The following ITGAV variants were observed in gnomAD, a reference collection of about 807,000 sequenced individuals.
The protein encoded by ITGAV is integrin subunit alpha V, also known as integrin alpha-V.
In ITGAV, 76 loss-of-function variants were observed where a neutral mutation model predicts 143.8. That is an observed-to-expected ratio of 0.53 (90% CI 0.44 to 0.64). The LOEUF is 0.64. Among genes scored for constraint, ITGAV ranks in the 30% least tolerant of loss-of-function variants. The probability of loss-of-function intolerance (pLI) is 0.00; values close to 1 mark genes in which losing one functional copy is unlikely to be tolerated. For missense variants in ITGAV, 1,193 were observed against 1,274.7 expected (o/e 0.94, Z 0.98); for synonymous variants, 453 against 446.7 (o/e 1.01, Z -0.18).
Position 186,638,287 on chromosome 2 carries a change from A to G in ITGAV, c.813A>G (p.Ser271=), listed in dbSNP as rs201225541. Residue 271 remains serine, a synonymous_variant, in exon 9 of 30, where the codon TCA becomes TCG. Transcript: ENST00000261023. ...FNGDGIDDFV[S]GVPRAARTLG... ...GTTTGTTTGTTTCAGACTTTGTTTC[A>G]GGAGTTCCAAGAGCAGCAAGGACTT... 1 of 1,613,774 alleles carries G rather than the reference A, an allele frequency of 6.2e-7. No individual in the cohort carries two copies. Among genetic ancestry groups the G allele is most frequent in the Non-Finnish European group, 8.5e-7 (1 of 1,179,848 alleles).
At chr2:186,601,803 G>A (rs944759712) in intron 1 of ITGAV, among the ~76,000 whole-genome samples, 2 of 152,096 alleles carry the variant, frequency 1.3e-5, no homozygotes, top group South Asian at 4.1e-4. Context: ...CCCTGAACTT[G>A]CCTTATAAAG....
At position 186,637,207 on chromosome 2, in the gene ITGAV, T is replaced by TAATCTCA; in HGVS notation, c.802+98_802+99insAATCTCA. 3 of 947,862 alleles carry TAATCTCA rather than the reference T, an allele frequency of 3.2e-6. No homozygotes were observed. The South Asian group carries it at 4.0e-5, about 13-fold the overall frequency. The allele number at this position is 947,862 out of a possible 1,614,324, so 58.7% of individuals were successfully genotyped here. On this transcript the variant is annotated intron_variant, in intron 8 of 29. Coordinates refer to ENST00000261023, the MANE Select transcript of ITGAV (RefSeq NM_002210.5). Reference sequence around the variant, plus strand: ...ATTTTAAGCAGTTTGAGTGGCTGGGTGCTGTGGCTGCAGCCTGTAATCTCA... The same window carrying TAATCTCA: ...ATTTTAAGCAGTTTGAGTGGCTGGGTAATCTCAGCTGTGGCTGCAGCCTGTAATCTCA...
chr2:186,593,581 A>T (rs1326617255), intron 1 of ITGAV, among the ~76,000 whole-genome samples: 1 of 152,120 alleles, frequency 6.6e-6, no homozygotes, highest in Non-Finnish European at 1.5e-5. Context: ...TGGAAAAATT[A>T]AAAATTACAT....
chr2:186,611,177 C>T (rs888711267), intron 2 of ITGAV, among the ~76,000 whole-genome samples: 10 of 152,130 alleles, frequency 6.6e-5, no homozygotes, highest in African/African-American at 2.2e-4. Context: ...TACTGCCCCC[C>T]GACCCTTGTG....
Position 186,594,481 on chromosome 2 carries a change from G to A in ITGAV, c.185+3958G>A, listed in dbSNP as rs1029362702. Among the ~76,000 whole-genome samples the A allele has an allele frequency of 2.0e-5, 3 of 152,070 alleles. No individual in the cohort carries two copies. The East Asian group carries it at 5.8e-4, about 29-fold the overall frequency. On this transcript the variant is annotated intron_variant, in intron 1 of 29. Coordinates refer to ENST00000261023, the MANE Select transcript of ITGAV (RefSeq NM_002210.5). ...TCTCTGCTTTCTACTCCTTATTTCA[G>A]TGTAGTTATGACAAGCATAGTCAGT...
chr2:186,668,369 G>A (rs944878195), intron 24 of ITGAV, among the ~76,000 whole-genome samples: 5 of 149,962 alleles, frequency 3.3e-5, no homozygotes, highest in Admixed American at 6.7e-5. Flanking sequence ...GGGATTACAC[G>A]TGTGCACCAC....
At chr2:186,644,412 G>A (rs1461212942) in intron 12 of ITGAV, among the ~76,000 whole-genome samples, 3 of 151,380 alleles carry the variant, frequency 2.0e-5, no homozygotes, top group Admixed American at 1.3e-4. Flanking sequence ...TGCAACCTCC[G>A]CCTCCTGGGT....
At chr2:186,635,953 T>G (rs1687935027) in intron 6 of ITGAV, 129 bp from the exon 7 acceptor site, 1 of 671,686 alleles carries the variant, frequency 1.5e-6, no homozygotes, top group South Asian at 2.5e-5. Context: ...TCAAGGAGAG[T>G]TATGTACGGC....
rs752720886 is a variant in ITGAV, at chr2:186,677,182, T to C, written c.3052-15T>C. 2.5e-6 allele frequency: 4 copies of C among 1,610,766 alleles called. No individual in the cohort carries two copies. Among genetic ancestry groups the C allele is most frequent in the East Asian group, 2.2e-5 (1 of 44,834 alleles). On this transcript the variant is annotated splice_polypyrimidine_tract_variant and intron_variant, in intron 29 of 29. Coordinates refer to ENST00000261023, the MANE Select transcript of ITGAV (RefSeq NM_002210.5). ...ACTGATGTGACAGTAATAATGGTTT[T>C]TCTTCAACTGACAGATGGGCTTTTT... is the stretch of plus-strand genomic sequence containing the variant.
intron 2 of ITGAV, among the ~76,000 whole-genome samples, chr2:186,611,024 A>G (rs776933934): frequency 6.6e-6 from 1 of 152,192 alleles, no homozygotes; most frequent in Non-Finnish European, 1.5e-5. Flanking sequence ...CACTGGGCCA[A>G]ATCAAGGTGA....
In ITGAV at chr2:186,666,760, G is replaced by A; in HGVS notation, c.2223G>A (p.Val741=). ...VHQQSEMDTS[V]KFDLQIQSSN... is the part of the protein sequence containing the mutation. The stretch of plus-strand genomic sequence containing the variant: ...AGCAGTCAGAGATGGATACTTCTGT[G>A]AAATTTGACTTACAAATCCAAAGGT... Residue 741 remains valine (V), a synonymous_variant, in exon 22 of 30, where the codon GTG becomes GTA. Transcript: ENST00000261023. 3.8e-6 allele frequency: 6 copies of A among 1,581,478 alleles called. No individual in the cohort carries two copies. The African/African-American group carries it at 5.4e-5, about 14-fold the overall frequency.
intron 24 of ITGAV, among the ~76,000 whole-genome samples, chr2:186,668,224 T>A (rs1359534090): frequency 1.3e-3 from 68 of 50,754 alleles, no homozygotes; most frequent in East Asian, 4.3e-3. Flanking sequence ...ATATTTTTTT[T>A]TTTTTTTTTT....
intron 15 of ITGAV, among the ~76,000 whole-genome samples, chr2:186,653,799 A>G (rs1401708009): frequency 6.6e-6 from 1 of 152,244 alleles, no homozygotes; most frequent in East Asian, 1.9e-4. Context: ...GGCACATAGA[A>G]ATACATTTTG....
chr2:186,606,867 C>T (rs549629245), intron 2 of ITGAV, among the ~76,000 whole-genome samples: 2 of 152,238 alleles, frequency 1.3e-5, no homozygotes, highest in African/African-American at 4.8e-5. Context: ...TATTTGCCAG[C>T]TTCAGGGGAT....
At chr2:186,594,383 A>G (rs1686692364) in intron 1 of ITGAV, among the ~76,000 whole-genome samples, 2 of 152,070 alleles carry the variant, frequency 1.3e-5, no homozygotes, top group African/African-American at 4.8e-5. Context: ...TCACCACCTT[A>G]ATATCAGTCA....
Position 186,659,080 on chromosome 2 carries a change from T to G in ITGAV, c.1762T>G (p.Phe588Val). The G allele has an allele frequency of 6.2e-7, 1 of 1,610,960 alleles. No individual in the cohort carries two copies. The highest frequency in any genetic ancestry group is 8.5e-7 in the Non-Finnish European group (1 of 1,177,462). The change falls in exon 18 of 30, where the codon TTT becomes GTT. Residue 588 changes from phenylalanine (F) to valine (V), a missense_variant. By Grantham distance (50) the Phe-to-Val change is conservative. Transcript: ENST00000261023. ...AGACAAACTCACTCCAATTACTATTTTTATGGAATATCGGTTGGATTATAG... is the reference window on the plus strand; with the variant it reads ...AGACAAACTCACTCCAATTACTATTGTTATGGAATATCGGTTGGATTATAG... ...FRDKLTPITI[F>V]MEYRLDYRTA...
At chr2:186,654,146 A>G (rs1210522047) in intron 15 of ITGAV, among the ~76,000 whole-genome samples, 1 of 152,158 alleles carries the variant, frequency 6.6e-6, no homozygotes, top group Non-Finnish European at 1.5e-5. Flanking sequence ...CAGCCTGGCC[A>G]ACGTGGTGAA....
intron 26 of ITGAV, 29 bp from the exon 27 acceptor site, chr2:186,675,575 T>C: frequency 6.5e-7 from 1 of 1,541,320 alleles, no homozygotes; most frequent in Non-Finnish European, 9.0e-7. Flanking sequence ...AATGACCTTT[T>C]CTTATAAGTA....
chr2:186,611,705 C>T (rs1687221544), intron 2 of ITGAV, among the ~76,000 whole-genome samples: 1 of 152,138 alleles, frequency 6.6e-6, no homozygotes, highest in Non-Finnish European at 1.5e-5. Flanking sequence ...AAGCACCATC[C>T]ACAATTTCCC....
Sources: gnomAD v4.1 joint callset for allele counts (sites outside exome capture counted in the v4.1 genomes callset) on GRCh38, gnomAD v4.1.1 for gene constraint, MANE v1.5 for transcripts, NCBI Gene and HGNC (gene_info 2026-07-23, HGNC 2026-07-21) for gene names.